Variants in USP34 observed in about 807,000 individuals in gnomAD.
The protein encoded by USP34 is ubiquitin carboxyl-terminal hydrolase 34.
In USP34, 70 loss-of-function variants were observed where a neutral mutation model predicts 460.3. The ratio of observed to expected loss-of-function variants is 0.15; its 90% CI spans 0.13 to 0.19. The LOEUF (loss-of-function observed/expected upper bound fraction) is 0.19. Ranked by LOEUF, USP34 falls within the 10% of genes least tolerant of loss-of-function variation. USP34 has a pLI of 1.00. For synonymous variants in USP34, 1,647 were observed against 1,405.3 expected, an observed-to-expected ratio of 1.17 and a Z score of -3.85; for missense variants, 3,985 against 4,236.2, an observed-to-expected ratio of 0.94 and a Z score of 1.65.
chr2:61,229,050 C>A, intron 59 of USP34, 55 bp from the exon 60 acceptor site: 1 of 1,347,464 alleles, frequency 7.4e-7, no homozygotes, highest in South Asian at 2.1e-5. Flanking sequence ...AAATACTGTT[C>A]GAGAGAAAAA....
chr2:61,408,545 T>C (rs1693947806), intron 2 of USP34, among the ~76,000 whole-genome samples: 1 of 152,178 alleles, frequency 6.6e-6, no homozygotes, highest in Non-Finnish European at 1.5e-5. Flanking sequence ...ACATTTCTCC[T>C]ACAATTCTTC....
At chr2:61,439,259 C>A (rs569050501) in intron 1 of USP34, among the ~76,000 whole-genome samples, 1 of 152,248 alleles carries the variant, frequency 6.6e-6, no homozygotes, top group Admixed American at 6.5e-5. Context: ...AAAAAATTAG[C>A]CAGGTTATGT....
chr2:61,440,729 G>A (rs1371530554), intron 1 of USP34, among the ~76,000 whole-genome samples: 1 of 151,568 alleles, frequency 6.6e-6, no homozygotes, highest in Non-Finnish European at 1.5e-5. Context: ...TGTTGGCCAG[G>A]CTGGTCTCAA....
chr2:61,233,192 A>T (rs1403244216), intron 57 of USP34, among the ~76,000 whole-genome samples: 2 of 152,118 alleles, frequency 1.3e-5, no homozygotes, highest in Non-Finnish European at 2.9e-5. Context: ...GAGCATGATT[A>T]ATTTTCTTTC....
rs764973572 is a variant in USP34, at chr2:61,325,433, T to G, written c.2955A>C (p.Gln985His). 1.3e-6 allele frequency: 2 copies of G among 1,553,434 alleles called. No homozygotes were observed. Among genetic ancestry groups the G allele is most frequent in the African/African-American group, 2.8e-5 (2 of 70,864 alleles). ...CACAAGTCAAGAATTGAAGACGAAC[T>G]TGAACTTCAGCACTATGGCTGTACC... ...HALYSHSAEV[Q>H]VRLQFLTCVF... Residue 985 changes from glutamine to histidine, a missense_variant, in exon 21 of 80, where the codon CAA (glutamine) becomes CAC (histidine). Around this residue, in one of 14 missense-constraint regions of USP34, gnomAD observed 1,114 missense variants for 1,122.5 expected, o/e 0.99. Transcript: ENST00000398571.
chr2:61,428,614 A>G (rs191876995), intron 1 of USP34, among the ~76,000 whole-genome samples: 298 of 152,366 alleles, frequency 2.0e-3, no homozygotes, highest in Non-Finnish European at 3.5e-3. Context: ...AAAAGTATGG[A>G]AATACAAAAG....
At chr2:61,286,198 C>T (rs557162816) in intron 34 of USP34, among the ~76,000 whole-genome samples, 5 of 152,226 alleles carry the variant, frequency 3.3e-5, no homozygotes, top group Admixed American at 3.3e-4. Flanking sequence ...AGTGTTCTTC[C>T]TTACTACCTA....
At chr2:61,287,460 G>A (rs1387839667) in intron 34 of USP34, among the ~76,000 whole-genome samples, 3 of 152,086 alleles carry the variant, frequency 2.0e-5, no homozygotes. Context: ...GTTGACCCTT[G>A]AACAACACAG....
intron 24 of USP34, 36 bp downstream of exon 24, chr2:61,314,839 G>A (rs1433261519): frequency 1.3e-6 from 2 of 1,599,224 alleles, no homozygotes; most frequent in Non-Finnish European, 8.5e-7. Context: ...CCCTCACATA[G>A]AAATTACCTA....
chr2:61,431,562 C>T (rs1694676093), intron 1 of USP34, among the ~76,000 whole-genome samples: 1 of 152,146 alleles, frequency 6.6e-6, no homozygotes, highest in African/African-American at 2.4e-5. Context: ...GACATTTTAG[C>T]TAGCAGAGGC....
chr2:61,305,319 GA>G (rs546665297), intron 27 of USP34, among the ~76,000 whole-genome samples: 41 of 138,858 alleles, frequency 3.0e-4, no homozygotes, highest in Middle Eastern at 3.6e-3. Context: ...CGAGACTCAA[GA>G]AAAAAAAAAA....
In USP34 at chr2:61,204,577, A is replaced by C; in HGVS notation, c.9179T>G (p.Leu3060Trp). ...CIDVLKELVL[L>W]SPHDFLHTLV... ...AGTATGAAGAAAATCATGGGGACTC[A>C]AAAGTACAAGTTCCTTGAGGACATC... is the stretch of plus-strand genomic sequence containing the variant. Residue 3060 changes from leucine to tryptophan, a missense_variant, in exon 73 of 80, where the codon TTG becomes TGG. Physicochemically the swap from Leu to Trp is moderately conservative, Grantham distance 61 (BLOSUM62 -2). Around this residue, in one of 14 missense-constraint regions of USP34, gnomAD observed 275 missense variants for 292.7 expected, o/e 0.94. Coordinates refer to ENST00000398571, the MANE Select transcript of USP34 (RefSeq NM_014709.4). 6.2e-7 allele frequency: 1 copy of C among 1,614,014 alleles called. No homozygotes were observed. Among genetic ancestry groups the C allele is most frequent in the South Asian group, 1.1e-5 (1 of 91,078 alleles).
intron 53 of USP34, among the ~76,000 whole-genome samples, chr2:61,241,201 G>C (rs754232383): frequency 6.6e-6 from 1 of 151,860 alleles, no homozygotes; most frequent in East Asian, 1.9e-4. Context: ...CCACCACCAC[G>C]CTCGGCTACT....
rs1687105474 is a variant in USP34, at chr2:61,205,897, T to C, written c.9154+120A>G. 4.4e-6 allele frequency: 3 copies of C among 682,758 alleles called. No individual in the cohort carries two copies. The Admixed American group carries it at 8.1e-5, about 19-fold the overall frequency. 42.3% of individuals were successfully genotyped at this position (682,758 alleles called of 1,614,324 possible). A position where few individuals can be genotyped will look rare whatever the true frequency, so the allele number is the denominator to read the frequency against. ...TTTTCTTAGGACCTGCTAGCTAGTGTGAGTTACACATAAAAAGCACAAGTA... is the reference window on the plus strand; with the variant it reads ...TTTTCTTAGGACCTGCTAGCTAGTGCGAGTTACACATAAAAAGCACAAGTA... On this transcript the variant is annotated intron_variant, in intron 72 of 79. Coordinates refer to ENST00000398571, the MANE Select transcript of USP34 (RefSeq NM_014709.4).
At chr2:61,245,332 G>T in intron 50 of USP34, 44 bp from the exon 51 acceptor site, 1 of 1,114,270 alleles carries the variant, frequency 9.0e-7, no homozygotes, top group Non-Finnish European at 1.3e-6. Context: ...CATATAATGA[G>T]TATCTTCATA....
Position 61,339,420 on chromosome 2 carries a change from C to G in USP34, c.2675G>C (p.Cys892Ser). Residue 892 changes from cysteine (C) to serine (S), a missense_variant, in exon 18 of 80, where the codon TGT (cysteine) becomes TCT (serine). By Grantham distance (112) the Cys-to-Ser change is moderately radical. Transcript: ENST00000398571. ...TCGAATTTGTCTATCTGTAAACCAA[C>G]ATACTAACGAACAAAGAAGTTTCTC... ...EAEKLLCSLVCWFTDRQIRMR... is the reference protein window; with the variant it reads ...EAEKLLCSLVSWFTDRQIRMR... 1 of 1,606,540 alleles carries G rather than the reference C, an allele frequency of 6.2e-7. No homozygotes were observed. The highest frequency in any genetic ancestry group is 2.2e-5 in the East Asian group (1 of 44,532).
At chr2:61,314,122 T>A (rs558135006) in intron 25 of USP34, among the ~76,000 whole-genome samples, 1 of 151,846 alleles carries the variant, frequency 6.6e-6, no homozygotes, top group Non-Finnish European at 1.5e-5. Flanking sequence ...GTTTCCATGG[T>A]AAATGGAAAT....
Position 61,288,888 on chromosome 2 carries a change from G to C in USP34, c.4549-11C>G, listed in dbSNP as rs1057081441. ...ACAGTCTAGCTGCCACTGTAAATGA[G>C]AAGAAATAGTCAATTCCCTATTTTC... On this transcript the variant is annotated splice_polypyrimidine_tract_variant and intron_variant, in intron 33 of 79. Transcript: ENST00000398571. 3.7e-6 allele frequency: 6 copies of C among 1,610,398 alleles called. No homozygotes were observed. Among genetic ancestry groups the C allele is most frequent in the Non-Finnish European group, 5.1e-6 (6 of 1,179,600 alleles).
At chr2:61,252,481 A>G (rs72811479) in intron 48 of USP34, among the ~76,000 whole-genome samples, 9,300 of 152,280 alleles carry the variant, frequency 0.061, 378 homozygotes, top group Non-Finnish European at 0.083. Flanking sequence ...AGTTCAATTT[A>G]AACAGACAAA....
Sources: gnomAD v4.1 joint callset for allele counts (sites outside exome capture counted in the v4.1 genomes callset) on GRCh38, gnomAD v4.1.1 for gene constraint, gnomAD v4.1.1 regional missense constraint, MANE v1.5 for transcripts, NCBI Gene and HGNC (gene_info 2026-07-23, HGNC 2026-07-21) for gene names.